The following SIPA1L3 variants were observed in gnomAD, a reference collection of about 807,000 sequenced individuals.
SIPA1L3 encodes signal-induced proliferation-associated 1-like protein 3.
In SIPA1L3, 59 loss-of-function variants were observed where a neutral mutation model predicts 150.1. The observed-to-expected ratio is 0.39, with a 90% CI of 0.32 to 0.49. The LOEUF (loss-of-function observed/expected upper bound fraction) is 0.49. Among genes scored for constraint, SIPA1L3 ranks in the 20% least tolerant of loss-of-function variants. SIPA1L3 has a pLI of 0.86. For missense variants in SIPA1L3, 2,211 were observed against 2,489.5 expected (o/e 0.89, Z 2.38); for synonymous variants, 1,070 against 1,077.6 (o/e 0.99, Z 0.14).
intron 1 of SIPA1L3, among the ~76,000 whole-genome samples, chr19:38,013,154 C>A (rs1398482730): frequency 6.6e-6 from 1 of 152,192 alleles, no homozygotes; most frequent in Non-Finnish European, 1.5e-5. Flanking sequence ...GCGCTGCTAG[C>A]AGGTGCTGGG....
At chr19:37,935,883 TC>T (rs1205946863) in intron 1 of SIPA1L3, among the ~76,000 whole-genome samples, 6 of 152,128 alleles carry the variant, frequency 3.9e-5, no homozygotes, top group African/African-American at 1.2e-4. Flanking sequence ...CAAAACAAGT[TC>T]CAGGAGGTGT....
At chr19:38,095,995 C>T (rs1246833361) in intron 4 of SIPA1L3, among the ~76,000 whole-genome samples, 1 of 152,066 alleles carries the variant, frequency 6.6e-6, no homozygotes, top group Non-Finnish European at 1.5e-5. Flanking sequence ...GGGCAAAGCC[C>T]CCAACATCAT....
Position 38,164,900 on chromosome 19 carries a change from AGC to A in SIPA1L3, c.4203_4204del (p.Gln1401HisfsTer3), listed in dbSNP as rs750076706. On this transcript the variant is annotated frameshift_variant, in exon 15 of 22. Transcript: ENST00000222345. LOFTEE classifies it high-confidence loss of function. The surrounding 1 kb of genome is among the most constrained non-coding windows in gnomAD (Gnocchi z 4.1). ...GGGGGCAGCCGAGACCCACCGAGGC[AGC>A]CCAGGTAAGCTGTTGCACCTAGTCT... 5.9e-6 allele frequency: 9 copies of A among 1,534,648 alleles called. 1 individual carries two copies. In the South Asian group the frequency reaches 1.1e-4, roughly 19 times the overall value.
intron 4 of SIPA1L3, among the ~76,000 whole-genome samples, chr19:38,093,360 C>T (rs1970304046): frequency 6.6e-6 from 1 of 152,170 alleles, no homozygotes; most frequent in South Asian, 2.1e-4. Flanking sequence ...CTAGTTTGAC[C>T]ACTCAGCAGT....
intron 2 of SIPA1L3, among the ~76,000 whole-genome samples, chr19:38,078,591 CA>C: frequency 9.3e-6 from 1 of 107,314 alleles, no homozygotes; most frequent in Non-Finnish European, 2.0e-5. Flanking sequence ...CACACACACA[CA>C]GACACACACA....
chr19:37,972,823 TTC>T (rs556722484), intron 1 of SIPA1L3, among the ~76,000 whole-genome samples: 97 of 152,310 alleles, frequency 6.4e-4, no homozygotes, highest in Non-Finnish European at 1.2e-3. Context: ...AATGCTGAAT[TTC>T]TGTTAGAGAT....
At chr19:38,132,735 C>T (rs1342929646) in intron 10 of SIPA1L3, among the ~76,000 whole-genome samples, 1 of 151,460 alleles carries the variant, frequency 6.6e-6, no homozygotes, top group Non-Finnish European at 1.5e-5. Context: ...GCAACCTCCG[C>T]CTCCTGGGTT....
chr19:37,911,048 C>T (rs2046373256), intron 1 of SIPA1L3, among the ~76,000 whole-genome samples: 1 of 151,818 alleles, frequency 6.6e-6, no homozygotes, highest in South Asian at 2.1e-4. Context: ...AGGGAAAATA[C>T]CTAGTGCCAC....
At chr19:38,010,411 TAAA>T (rs57336441) in intron 1 of SIPA1L3, among the ~76,000 whole-genome samples, 8 of 141,820 alleles carry the variant, frequency 5.6e-5, no homozygotes, top group Admixed American at 7.0e-5. Flanking sequence ...CTCTCAAAAT[TAAA>T]AAAAAAAAAA....
In SIPA1L3 at chr19:38,171,042, C is replaced by A. The variant is rs78539805; in HGVS notation, c.4208+6136C>A. Among the ~76,000 whole-genome samples, 449 of 151,962 alleles carry A rather than the reference C, an allele frequency of 3.0e-3. 3 individuals carry two copies. The highest frequency in any genetic ancestry group is 0.01 in the African/African-American group (430 of 41,406). ...GTATATATACAACTATGTATATATA[C>A]ACACATATGTTTTTTTTTAAGTCTG... is the stretch of plus-strand genomic sequence containing the variant. On this transcript the variant is annotated intron_variant, in intron 15 of 21. Transcript: ENST00000222345.
intron 8 of SIPA1L3, among the ~76,000 whole-genome samples, chr19:38,114,871 C>G (rs1287785091): frequency 6.6e-6 from 1 of 152,160 alleles, no homozygotes; most frequent in African/African-American, 2.4e-5. Context: ...GCAGTAGCTC[C>G]CACACTGGTC....
chr19:38,180,662 G>T (rs1370385780), intron 15 of SIPA1L3, among the ~76,000 whole-genome samples: 1 of 150,930 alleles, frequency 6.6e-6, no homozygotes, highest in Non-Finnish European at 1.5e-5. Flanking sequence ...TCCTGCTTCA[G>T]CCTCCCAAGT....
Position 38,164,096 on chromosome 19 carries a change from G to A in SIPA1L3, c.3781-383G>A, listed in dbSNP as rs1334508696. On this transcript the variant is annotated intron_variant, in intron 14 of 21. Transcript: ENST00000222345. The surrounding 1 kb of genome is among the most constrained non-coding windows in gnomAD (Gnocchi z 4.1). The stretch of plus-strand genomic sequence containing the variant: ...GGGCTGGACATGAGTGAGAGCAAAA[G>A]CGGGGTCAAGGTGAGTCCACGGCTC... Among the ~76,000 whole-genome samples the A allele has an allele frequency of 6.6e-6, 1 of 152,188 alleles. No homozygotes were observed. The highest frequency in any genetic ancestry group is 1.5e-5 in the Non-Finnish European group (1 of 68,028).
In SIPA1L3 at chr19:38,140,248, C is replaced by T. The variant is rs571841651; in HGVS notation, c.3144-936C>T. Among the ~76,000 whole-genome samples the T allele has an allele frequency of 4.1e-4, 62 of 152,320 alleles. 1 individual carries two copies. The East Asian group carries it at 9.5e-3, about 23-fold the overall frequency. ...ATGAGCATGGCTCGGGGACCCCTCC[C>T]ATGCAGGGCTGCAGTGGCAGTGGAG... On this transcript the variant is annotated intron_variant, in intron 10 of 21. Coordinates refer to ENST00000222345, the MANE Select transcript of SIPA1L3 (RefSeq NM_015073.3).
At position 38,082,530 on chromosome 19, in the gene SIPA1L3, A is replaced by G. The variant is rs1297305890; in HGVS notation, c.965A>G (p.Asp322Gly). 1 of 1,598,886 alleles carries G rather than the reference A, an allele frequency of 6.3e-7. No individual in the cohort carries two copies. Among genetic ancestry groups the G allele is most frequent in the East Asian group, 2.2e-5 (1 of 44,556 alleles). ...GEAGRSPGEA[D>G]EGRSPPEASR... ...GCTGGGCGTTCCCCGGGGGAGGCCG[A>G]CGAGGGCCGGAGCCCCCCGGAAGCC... is the stretch of plus-strand genomic sequence containing the variant. The change falls in exon 3 of 22, where the codon GAC (aspartate) becomes GGC (glycine). Residue 322 changes from aspartate (D) to glycine (G), a missense_variant. Asp to Gly is a moderately conservative substitution (Grantham distance 94, BLOSUM62 -1). This residue lies in a region of SIPA1L3 where 587 missense variants were observed against 534.5 expected (regional missense o/e 1.10). Coordinates refer to ENST00000222345, the MANE Select transcript of SIPA1L3 (RefSeq NM_015073.3).
intron 15 of SIPA1L3, among the ~76,000 whole-genome samples, chr19:38,180,076 T>G (rs1289737413): frequency 7.9e-5 from 12 of 152,212 alleles, no homozygotes; most frequent in Admixed American, 5.9e-4. Context: ...TGACAGGCGA[T>G]CCACCTGCCT....
intron 1 of SIPA1L3, among the ~76,000 whole-genome samples, chr19:38,015,958 C>T (rs371045000): frequency 6.6e-5 from 10 of 152,168 alleles, no homozygotes; most frequent in South Asian, 6.2e-4. Flanking sequence ...GTTGGTCCGC[C>T]GGAATCTGCG....
chr19:37,993,702 G>A (rs1025728206), intron 1 of SIPA1L3, among the ~76,000 whole-genome samples: 2 of 152,094 alleles, frequency 1.3e-5, no homozygotes, highest in Non-Finnish European at 2.9e-5. Context: ...TTTCCAGAAC[G>A]TACCTGAAAA....
intron 2 of SIPA1L3, among the ~76,000 whole-genome samples, chr19:38,055,275 G>A (rs138604273): frequency 2.3e-3 from 346 of 152,306 alleles, no homozygotes; most frequent in African/African-American, 8.1e-3. Flanking sequence ...GCAGCTGGGG[G>A]CGGCGCCACT....
Sources: allele counts gnomAD v4.1 joint callset (sites outside exome capture counted in the v4.1 genomes callset), GRCh38; gene constraint gnomAD v4.1.1; regional missense constraint gnomAD v4.1.1; non-coding constraint Gnocchi (gnomAD v3.1); transcripts MANE v1.5; gene names NCBI Gene and HGNC (gene_info 2026-07-23, HGNC 2026-07-21).